Variants in ANXA1 observed in about 807,000 individuals in gnomAD.
ANXA1 encodes annexin I (lipocortin I).
Under a neutral mutation model 47.9 loss-of-function variants are expected in ANXA1, and 39 were observed. The ratio of observed to expected loss-of-function variants is 0.81; its 90% CI spans 0.63 to 1.06. The LOEUF (loss-of-function observed/expected upper bound fraction) is 1.06. ANXA1 is among the 50% of genes least tolerant of loss of function. The pLI is 0.00. For synonymous variants in ANXA1, 146 were observed against 142.5 expected, an observed-to-expected ratio of 1.02 and a Z score of -0.17; for missense variants, 446 against 422.7, an observed-to-expected ratio of 1.06 and a Z score of -0.48.
chr9:73,153,558 T>C (rs1824003001), intron 1 of ANXA1, among the ~76,000 whole-genome samples: 1 of 152,214 alleles, frequency 6.6e-6, no homozygotes, highest in Non-Finnish European at 1.5e-5. Flanking sequence ...ACTTCAACAT[T>C]CTTATTTTAT....
intron 5 of ANXA1, 51 bp from the exon 6 acceptor site, chr9:73,160,752 T>C: frequency 7.0e-7 from 1 of 1,418,722 alleles, no homozygotes; most frequent in South Asian, 1.2e-5. Context: ...ATTGATCCTC[T>C]TGCATGAAGA....
At chr9:73,169,915 A>G in intron 12 of ANXA1, 136 bp from the exon 13 acceptor site, 1 of 509,122 alleles carries the variant, frequency 2.0e-6, no homozygotes, top group Non-Finnish European at 3.4e-6. Context: ...TCTGTTGTAT[A>G]TATTGTTTAA....
At chr9:73,155,854 A>T (rs1393371100) in intron 1 of ANXA1, among the ~76,000 whole-genome samples, 1 of 151,724 alleles carries the variant, frequency 6.6e-6, no homozygotes, top group African/African-American at 2.4e-5. Context: ...CAAATAAGTG[A>T]CTTAAACAAC....
At chr9:73,158,325 T>C (rs1824081355) in intron 1 of ANXA1, 197 bp from the exon 2 acceptor site, 2 of 515,534 alleles carry the variant, frequency 3.9e-6, no homozygotes, top group South Asian at 2.3e-5. Context: ...GAGGGTATGG[T>C]TTCATTTTAA....
At chr9:73,160,127 T>C (rs1362984814) in intron 4 of ANXA1, 136 bp from the exon 5 acceptor site, 1 of 518,616 alleles carries the variant, frequency 1.9e-6, no homozygotes, top group African/African-American at 2.0e-5. Flanking sequence ...ACACTTTGTA[T>C]GTGAAGGGAA....
At chr9:73,162,065 A>T (rs1028671754) in intron 6 of ANXA1, among the ~76,000 whole-genome samples, 1 of 152,130 alleles carries the variant, frequency 6.6e-6, no homozygotes, top group Non-Finnish European at 1.5e-5. Flanking sequence ...GAGAGAGAAA[A>T]GGAGGTGCCA....
At chr9:73,167,062 T>C (rs1824243265) in intron 10 of ANXA1, among the ~76,000 whole-genome samples, 5 of 152,256 alleles carry the variant, frequency 3.3e-5, no homozygotes, top group Admixed American at 2.6e-4. Flanking sequence ...ACCCAATAAG[T>C]AGTTTTTTGA....
intron 1 of ANXA1, chr9:73,154,389 C>T (rs1402093596): frequency 2.3e-6 from 3 of 1,331,620 alleles, no homozygotes; most frequent in Non-Finnish European, 2.0e-6. Context: ...TTTTTGGTCA[C>T]TAATTCCCTC....
chr9:73,153,782 G>T (rs1824005764), intron 1 of ANXA1, among the ~76,000 whole-genome samples: 1 of 152,160 alleles, frequency 6.6e-6, no homozygotes, highest in Admixed American at 6.5e-5. Flanking sequence ...CAGGCATTTT[G>T]CTAGGGATTG....
rs368167704 is a variant in ANXA1, at chr9:73,165,382, C to T, written c.706+173C>T. The stretch of plus-strand genomic sequence containing the variant: ...GTCAATTTGTCCAATTTTGTACAGC[C>T]GCTACTTTATCATATTTAATACATT... On this transcript the variant is annotated intron_variant, in intron 9 of 12. Coordinates refer to ENST00000257497, the MANE Select transcript of ANXA1 (RefSeq NM_000700.3). 238 of 521,144 alleles carry T rather than the reference C, an allele frequency of 4.6e-4. 2 individuals carry two copies. In the South Asian group the frequency reaches 5.4e-3, roughly 12 times the overall value. The allele number at this position is 521,144 out of a possible 1,614,324, so 32.3% of individuals were successfully genotyped here. A position where few individuals can be genotyped will look rare whatever the true frequency, so the allele number is the denominator to read the frequency against.
At chr9:73,165,796 C>T (rs1250049264) in intron 9 of ANXA1, among the ~76,000 whole-genome samples, 1 of 151,784 alleles carries the variant, frequency 6.6e-6, no homozygotes, top group Non-Finnish European at 1.5e-5. Flanking sequence ...GATCCATTTG[C>T]TGTGGCTCTT....
chr9:73,156,929 G>A (rs1001600476), intron 1 of ANXA1, among the ~76,000 whole-genome samples: 9 of 152,030 alleles, frequency 5.9e-5, no homozygotes, highest in African/African-American at 2.2e-4. Flanking sequence ...TGTGTGTGTG[G>A]CCAAAACAGA....
chr9:73,159,390 G>C lies in ANXA1; in HGVS notation c.237G>C (p.Gln79His), dbSNP rs116080195. The C allele has an allele frequency of 2.2e-4, 362 of 1,613,202 alleles. No individual in the cohort carries two copies. The African/African-American group carries it at 4.4e-3, about 20-fold the overall frequency. Residue 79 changes from glutamine (Q) to histidine (H), a missense_variant, in exon 4 of 13, where the codon CAG (glutamine) becomes CAC (histidine). Gln to His is a conservative substitution (Grantham distance 24, BLOSUM62 0). Transcript: ENST00000257497. ...LTKRNNAQRQ[Q>H]IKAAYLQETG... is the part of the protein sequence containing the mutation. ...AGCGAAACAATGCACAGCGTCAACA[G>C]ATCAAAGCAGCATATCTCCAGGAAA...
chr9:73,162,918 T>A, intron 7 of ANXA1, 57 bp downstream of exon 7: 1 of 1,410,972 alleles, frequency 7.1e-7, no homozygotes, highest in African/African-American at 1.4e-5. Context: ...AATTTCTTAG[T>A]CCATTTTGTG....
At chr9:73,168,055 TG>T (rs1824261764) in intron 11 of ANXA1, 2 of 154,404 alleles carry the variant, frequency 1.3e-5, no homozygotes, top group African/African-American at 4.8e-5. Context: ...CTGACATGCA[TG>T]GTATTATACA....
Position 73,151,924 on chromosome 9 carries a change from G to A in ANXA1, c.-15G>A, listed in dbSNP as rs1159160551. Reference sequence around the variant, plus strand: ...TTCTTTGCAAGAAGGTAGAGATAAAGGTAAGTCTTGGTTTTCCTTTTAGTT... The same window carrying A: ...TTCTTTGCAAGAAGGTAGAGATAAAAGTAAGTCTTGGTTTTCCTTTTAGTT... On this transcript the variant is annotated splice_region_variant and 5_prime_UTR_variant, in exon 1 of 13. Coordinates refer to ENST00000257497, the MANE Select transcript of ANXA1 (RefSeq NM_000700.3). 2.0e-5 allele frequency: 3 copies of A among 152,148 alleles called. No homozygotes were observed. Among genetic ancestry groups the A allele is most frequent in the Non-Finnish European group, 4.4e-5 (3 of 68,028 alleles). The allele number at this position is 152,148 out of a possible 1,614,324, so 9.4% of individuals were successfully genotyped here. A position where few individuals can be genotyped will look rare whatever the true frequency, so the allele number is the denominator to read the frequency against.
intron 4 of ANXA1, 81 bp from the exon 5 acceptor site, chr9:73,160,182 A>T (rs948432940): frequency 2.1e-5 from 20 of 932,636 alleles, no homozygotes; most frequent in Non-Finnish European, 3.2e-5. Flanking sequence ...TTGTACGATG[A>T]CCTAAAGTCA....
At chr9:73,156,283 AATG>A (rs1236937344) in intron 1 of ANXA1, among the ~76,000 whole-genome samples, 14 of 151,950 alleles carry the variant, frequency 9.2e-5, no homozygotes, top group Non-Finnish European at 1.6e-4. Context: ...CCTTGGATGA[AATG>A]ATGAAAATGG....
chr9:73,163,455 A>G (rs1824176908), intron 7 of ANXA1, 21 bp from the exon 8 acceptor site: 3 of 1,611,384 alleles, frequency 1.9e-6, no homozygotes, highest in Admixed American at 1.7e-5. Flanking sequence ...AGAGCTTACA[A>G]TAGAATGGGA....
Sources: allele counts gnomAD v4.1 joint callset (sites outside exome capture counted in the v4.1 genomes callset), GRCh38; gene constraint gnomAD v4.1.1; transcripts MANE v1.5; gene names NCBI Gene and HGNC (gene_info 2026-07-23, HGNC 2026-07-21).